NRXN3: variants seen among roughly 807,000 people sequenced by gnomAD.
The protein encoded by NRXN3 is neurexin III.
A neutral mutation model predicts 137.6 loss-of-function variants in NRXN3; 32 were observed. The ratio of observed to expected loss-of-function variants is 0.23; its 90% CI spans 0.18 to 0.31. The LOEUF (loss-of-function observed/expected upper bound fraction) is 0.31. NRXN3 is among the 10% of genes least tolerant of loss of function. The pLI, the probability that NRXN3 is intolerant of heterozygous loss-of-function variation, is 1.00. For missense variants in NRXN3, 1,574 were observed against 2,062.5 expected (o/e 0.76, Z 4.59); for synonymous variants, 798 against 784.5 (o/e 1.02, Z -0.29).
intron 8 of NRXN3, among the ~76,000 whole-genome samples, chr14:78,726,083 C>T (rs2098482010): frequency 6.6e-6 from 1 of 152,142 alleles, no homozygotes; most frequent in Non-Finnish European, 1.5e-5. Context: ...GGATTCTCAC[C>T]TCTTCATGAA....
At chr14:78,559,900 C>G (rs1382513434) in intron 4 of NRXN3, among the ~76,000 whole-genome samples, 1 of 152,214 alleles carries the variant, frequency 6.6e-6, no homozygotes, top group Non-Finnish European at 1.5e-5. Context: ...CATTGTTTTG[C>G]AATATGCAGT....
At chr14:79,151,788 G>T (rs891577431) in intron 15 of NRXN3, among the ~76,000 whole-genome samples, 1 of 151,956 alleles carries the variant, frequency 6.6e-6, no homozygotes, top group Non-Finnish European at 1.5e-5. Flanking sequence ...GTCCCAGAGT[G>T]CACAGACTAA....
chr14:78,289,798 C>T (rs1332662346), intron 3 of NRXN3, among the ~76,000 whole-genome samples: 1 of 152,068 alleles, frequency 6.6e-6, no homozygotes, highest in Non-Finnish European at 1.5e-5. Flanking sequence ...CCTATAATCC[C>T]AGCCACTGGG....
At chr14:79,709,515 A>G (rs745357380) in intron 19 of NRXN3, among the ~76,000 whole-genome samples, 6 of 152,210 alleles carry the variant, frequency 3.9e-5, no homozygotes, top group Admixed American at 1.3e-4. Flanking sequence ...CATAATATTT[A>G]TCCCCCTTTC....
At chr14:79,463,209 T>C (rs539285786) in intron 15 of NRXN3, among the ~76,000 whole-genome samples, 5 of 152,186 alleles carry the variant, frequency 3.3e-5, no homozygotes, top group Non-Finnish European at 5.9e-5. Context: ...AATATGTGGA[T>C]GAGAAAAAAT....
intron 10 of NRXN3, among the ~76,000 whole-genome samples, chr14:78,863,714 A>G (rs1474635354): frequency 6.6e-6 from 1 of 152,158 alleles, no homozygotes; most frequent in African/African-American, 2.4e-5. Context: ...ATACATAAAT[A>G]TTCTAAAAAG....
At chr14:79,497,759 G>A (rs1043614995) in intron 16 of NRXN3, among the ~76,000 whole-genome samples, 1 of 152,114 alleles carries the variant, frequency 6.6e-6, no homozygotes, top group African/African-American at 2.4e-5. Flanking sequence ...GAATGAGGCT[G>A]GGCACGGTGG....
intron 16 of NRXN3, among the ~76,000 whole-genome samples, chr14:79,656,846 A>G (rs1263930047): frequency 6.6e-6 from 1 of 152,056 alleles, no homozygotes; most frequent in Non-Finnish European, 1.5e-5. Context: ...GAGGCCTATA[A>G]AGATTTAGAA....
intron 16 of NRXN3, among the ~76,000 whole-genome samples, chr14:79,654,128 G>T (rs2098492300): frequency 6.6e-6 from 1 of 152,088 alleles, no homozygotes; most frequent in African/African-American, 2.4e-5. Flanking sequence ...AGAACTACAA[G>T]TGAGAAAAGA....
chr14:78,960,981 C>T (rs2099407009), intron 11 of NRXN3, among the ~76,000 whole-genome samples: 1 of 149,602 alleles, frequency 6.7e-6, no homozygotes, highest in Non-Finnish European at 1.5e-5. Context: ...ATGTACATTG[C>T]AAATCATTGA....
chr14:79,721,901 T>C (rs530729193), intron 19 of NRXN3, among the ~76,000 whole-genome samples: 1 of 152,206 alleles, frequency 6.6e-6, no homozygotes, highest in African/African-American at 2.4e-5. Flanking sequence ...AGGAAGCAGA[T>C]CTTACTCACT....
chr14:79,331,797 TA>T (rs953403114), intron 15 of NRXN3, among the ~76,000 whole-genome samples: 1 of 151,298 alleles, frequency 6.6e-6, no homozygotes, highest in African/African-American at 2.4e-5. Flanking sequence ...GCTCAAAGTG[TA>T]AAAAAAAAGT....
chr14:78,371,209 C>T (rs1318448377), intron 4 of NRXN3, among the ~76,000 whole-genome samples: 1 of 152,150 alleles, frequency 6.6e-6, no homozygotes, highest in Non-Finnish European at 1.5e-5. Flanking sequence ...AAACCCCAGA[C>T]CTCAGCTGGC....
At chr14:78,988,229 T>C in intron 15 of NRXN3, 88 bp downstream of exon 15, 1 of 1,502,748 alleles carries the variant, frequency 6.7e-7, no homozygotes, top group South Asian at 1.1e-5. Flanking sequence ...AAAGGATGGC[T>C]CTTCTGAAAG....
chr14:79,541,310 A>G (rs10137693), intron 16 of NRXN3, among the ~76,000 whole-genome samples: 10,397 of 152,136 alleles, frequency 0.068, 1,193 homozygotes, highest in African/African-American at 0.24. Context: ...GGCCATGGCA[A>G]AAGAATCGCT....
chr14:79,842,438 C>G (rs1240093960), intron 20 of NRXN3, among the ~76,000 whole-genome samples: 1 of 152,082 alleles, frequency 6.6e-6, no homozygotes, highest in Admixed American at 6.5e-5. Flanking sequence ...AGAGTATGGC[C>G]AGAGCCCGAG....
At chr14:79,029,802 C>A (rs2099604409) in intron 15 of NRXN3, among the ~76,000 whole-genome samples, 1 of 151,722 alleles carries the variant, frequency 6.6e-6, no homozygotes, top group South Asian at 2.1e-4. Flanking sequence ...CCGGATAATT[C>A]TTTGGGGCAA....
At chr14:79,129,049 C>G (rs533642242) in intron 15 of NRXN3, among the ~76,000 whole-genome samples, 202 of 152,180 alleles carry the variant, frequency 1.3e-3, no homozygotes, top group African/African-American at 4.7e-3. Context: ...TTTATTGCGT[C>G]TATTTGATTC....
At chr14:78,983,711 G>A (rs540609276) in intron 14 of NRXN3, among the ~76,000 whole-genome samples, 1 of 151,968 alleles carries the variant, frequency 6.6e-6, no homozygotes, top group East Asian at 1.9e-4. Context: ...ACAAAAATTA[G>A]CCAGGCATGG....
Sources: gnomAD v4.1 joint callset for allele counts (sites outside exome capture counted in the v4.1 genomes callset) on GRCh38, gnomAD v4.1.1 for gene constraint, MANE v1.5 for transcripts, NCBI Gene and HGNC (gene_info 2026-07-23, HGNC 2026-07-21) for gene names.